GARNL3: variants seen among roughly 807,000 people sequenced by gnomAD.
GARNL3 encodes the protein GTPase activating Rap/RanGAP domain like 3.
In GARNL3, 63 loss-of-function variants were observed where a neutral mutation model predicts 125.0. The observed-to-expected ratio is 0.50, with a 90% CI of 0.41 to 0.62. The LOEUF (loss-of-function observed/expected upper bound fraction) is 0.62, where lower values mean the gene tolerates loss of function less well. Among genes scored for constraint, GARNL3 ranks in the 20% least tolerant of loss-of-function variants. The probability of loss-of-function intolerance (pLI) is 0.00; values close to 1 mark genes in which losing one functional copy is unlikely to be tolerated. For missense variants in GARNL3, 994 were observed against 1,244.0 expected, an observed-to-expected ratio of 0.80 and a Z score of 3.02; for synonymous variants, 439 against 457.5, an observed-to-expected ratio of 0.96 and a Z score of 0.52.
At position 127,374,925 on chromosome 9, in the gene GARNL3, AC is replaced by A. The variant is rs1204645203; in HGVS notation, c.2162-8512del. ...CCATCTCTACAAAAAAAAAAAAAAA[AC>A]AACAAAGAAAAACTTTTTTAAAAAA... On this transcript the variant is annotated intron_variant, in intron 22 of 27. Coordinates refer to ENST00000373387, the MANE Select transcript of GARNL3 (RefSeq NM_032293.5). Among the ~76,000 whole-genome samples, 448 of 150,864 alleles carry A rather than the reference AC, an allele frequency of 3.0e-3. 5 individuals carry two copies. Among genetic ancestry groups the A allele is most frequent in the East Asian group, 0.018 (93 of 5,138 alleles).
At chr9:127,391,533 A>AAAAAAAAAAAAAAAAAAAAAAAT in intron 27 of GARNL3, among the ~76,000 whole-genome samples, 2 of 75,874 alleles carry the variant, frequency 2.6e-5, no homozygotes, top group South Asian at 7.0e-4. Flanking sequence ...ACAAAAAAAA[A>AAAAAAAAAAAAAAAAAAAAAAAT]ATATATATAT....
chr9:127,383,359 G>C, intron 22 of GARNL3, 79 bp from the exon 23 acceptor site: 2 of 831,502 alleles, frequency 2.4e-6, no homozygotes, highest in Non-Finnish European at 4.0e-6. Flanking sequence ...TATTCTTGTT[G>C]CCTGTTTTTC....
At chr9:127,381,924 A>G (rs1479484421) in intron 22 of GARNL3, among the ~76,000 whole-genome samples, 6 of 151,894 alleles carry the variant, frequency 4.0e-5, no homozygotes, top group Non-Finnish European at 7.4e-5. Flanking sequence ...TTTTTGCTCA[A>G]TATTATGTCT....
intron 2 of GARNL3, among the ~76,000 whole-genome samples, chr9:127,254,220 A>G (rs1025528367): frequency 1.1e-4 from 16 of 152,178 alleles, no homozygotes; most frequent in Non-Finnish European, 2.1e-4. Context: ...ACATTTACTG[A>G]TTTAGATGAA....
At chr9:127,389,928 A>G (rs1832738077) in intron 26 of GARNL3, among the ~76,000 whole-genome samples, 1 of 150,678 alleles carries the variant, frequency 6.6e-6, no homozygotes, top group Non-Finnish European at 1.5e-5. Context: ...CTTTAAAAAA[A>G]AAAAAAAAAA....
At chr9:127,291,651 T>G (rs1187405583) in intron 2 of GARNL3, among the ~76,000 whole-genome samples, 1 of 150,798 alleles carries the variant, frequency 6.6e-6, no homozygotes, top group Non-Finnish European at 1.5e-5. Flanking sequence ...TGGTACTGCC[T>G]ACTGCTCCTT....
chr9:127,341,631 T>C (rs1286635433), intron 13 of GARNL3, among the ~76,000 whole-genome samples: 1 of 152,102 alleles, frequency 6.6e-6, no homozygotes, highest in Non-Finnish European at 1.5e-5. Flanking sequence ...GCATTCACTG[T>C]AGGGGGCCTG....
At chr9:127,300,914 T>C in intron 2 of GARNL3, 1 of 234,006 alleles carries the variant, frequency 4.3e-6, no homozygotes. Flanking sequence ...AATCAGCATC[T>C]AACTCGGCCC....
chr9:127,332,721 C>T (rs753164893), intron 8 of GARNL3, among the ~76,000 whole-genome samples: 21 of 152,114 alleles, frequency 1.4e-4, no homozygotes, highest in Admixed American at 2.6e-4. Context: ...GTGTTAAATA[C>T]CTGCTTATTC....
Position 127,342,307 on chromosome 9 carries a change from C to T in GARNL3, c.1224C>T (p.His408=), listed in dbSNP as rs769279216. The change falls in exon 14 of 28, where the codon CAC becomes CAT. Residue 408 remains histidine, a synonymous_variant. Coordinates refer to ENST00000373387, the MANE Select transcript of GARNL3 (RefSeq NM_032293.5). ...RTLDMLIRSL[H]QDLMPDLHKN... is the part of the protein sequence containing the mutation. Reference sequence around the variant, plus strand: ...TGGATATGTTGATTAGATCTTTACACCAGGATTTGATGCCAGATTTGCATA... The same window carrying T: ...TGGATATGTTGATTAGATCTTTACATCAGGATTTGATGCCAGATTTGCATA... 6.2e-7 allele frequency: 1 copy of T among 1,612,048 alleles called. No homozygotes were observed. The highest frequency in any genetic ancestry group is 8.5e-7 in the Non-Finnish European group (1 of 1,178,118).
chr9:127,225,722 G>C (rs1185268041), intron 1 of GARNL3, among the ~76,000 whole-genome samples: 1 of 150,568 alleles, frequency 6.6e-6, no homozygotes, highest in Non-Finnish European at 1.5e-5. Context: ...GGCAAGGTCG[G>C]GAGCTCACCC....
chr9:127,276,037 G>A (rs1035507270), intron 1 of GARNL3, among the ~76,000 whole-genome samples: 1 of 151,786 alleles, frequency 6.6e-6, no homozygotes, highest in Admixed American at 6.6e-5. Flanking sequence ...TCCTTTTGAT[G>A]CTTCCCTTCC....
At chr9:127,258,354 T>C (rs1176743002) in intron 2 of GARNL3, among the ~76,000 whole-genome samples, 2 of 152,312 alleles carry the variant, frequency 1.3e-5, no homozygotes, top group Non-Finnish European at 2.9e-5. Flanking sequence ...TAGAAGTTAA[T>C]GTGGGCCAGG....
intron 27 of GARNL3, 67 bp from the exon 28 acceptor site, chr9:127,393,016 C>G: frequency 1.5e-6 from 2 of 1,325,518 alleles, no homozygotes; most frequent in Non-Finnish European, 2.1e-6. Context: ...AGGAAATTGC[C>G]AGAAAAAAAT....
chr9:127,236,563 C>T (rs984381977), intron 1 of GARNL3, among the ~76,000 whole-genome samples: 6 of 152,184 alleles, frequency 3.9e-5, no homozygotes, highest in African/African-American at 1.2e-4. Flanking sequence ...ATGCTCTCAC[C>T]TGATCCTCCC....
upstream of GARNL3, among the ~76,000 whole-genome samples, chr9:127,261,595 T>G (rs1428131224): frequency 6.6e-6 from 1 of 151,874 alleles, no homozygotes; most frequent in Non-Finnish European, 1.5e-5. Context: ...TTTTTTTTAG[T>G]AGAGACAGGG....
Position 127,301,925 on chromosome 9 carries a change from C to CTTTTTT in GARNL3, c.220-9683_220-9678dup, listed in dbSNP as rs754780368. On this transcript the variant is annotated intron_variant, in intron 2 of 27. Transcript: ENST00000373387. ...TCTATCTTCCTTAGCATTGGGAGGA[C>CTTTTTT]TTTTTTTTTTTTTTTTTTTTTTTTT... Among the ~76,000 whole-genome samples the CTTTTTT allele has an allele frequency of 5.9e-4, 27 of 45,436 alleles. 3 individuals are homozygous for CTTTTTT. Among genetic ancestry groups the CTTTTTT allele is most frequent in the East Asian group, 1.6e-3 (2 of 1,262 alleles). The allele number at this position is 45,436 out of a possible 152,430, so 29.8% of individuals were successfully genotyped here.
At chr9:127,256,102 C>A (rs562282248) in intron 2 of GARNL3, among the ~76,000 whole-genome samples, 1 of 152,264 alleles carries the variant, frequency 6.6e-6, no homozygotes, top group African/African-American at 2.4e-5. Context: ...ATTAAGTTTC[C>A]GTTTAATACA....
At chr9:127,290,749 T>C (rs1303021705) in intron 1 of GARNL3, among the ~76,000 whole-genome samples, 3 of 152,222 alleles carry the variant, frequency 2.0e-5, no homozygotes, top group African/African-American at 7.2e-5. Context: ...CTTTCTCCGA[T>C]GGTAGTAGAG....
Sources: gnomAD v4.1 joint callset for allele counts (sites outside exome capture counted in the v4.1 genomes callset) on GRCh38, gnomAD v4.1.1 for gene constraint, MANE v1.5 for transcripts, NCBI Gene and HGNC (gene_info 2026-07-23, HGNC 2026-07-21) for gene names.